The following CCSER1 variants were observed in gnomAD, a reference collection of about 807,000 sequenced individuals.
The protein encoded by CCSER1 is serine-rich coiled-coil domain-containing protein 1.
In CCSER1, 41 loss-of-function variants were observed where a neutral mutation model predicts 82.0. That is an observed-to-expected ratio of 0.50 (90% confidence interval 0.39 to 0.65). The LOEUF is 0.65. Ranked by LOEUF, CCSER1 falls within the 30% of genes least tolerant of loss-of-function variation. The pLI is 0.00. For synonymous variants in CCSER1, 414 were observed against 383.9 expected (o/e 1.08, Z -0.92); for missense variants, 1,119 against 1,064.2 (o/e 1.05, Z -0.72).
At chr4:90,908,149 G>T (rs970689793) in intron 8 of CCSER1, among the ~76,000 whole-genome samples, 1 of 152,042 alleles carries the variant, frequency 6.6e-6, no homozygotes, top group Admixed American at 6.6e-5. Flanking sequence ...ACAAATAAAA[G>T]AAATAATTGT....
chr4:91,136,952 C>G (rs925092256), intron 10 of CCSER1, among the ~76,000 whole-genome samples: 3 of 151,774 alleles, frequency 2.0e-5, no homozygotes, highest in African/African-American at 7.3e-5. Flanking sequence ...ACTAAAAACC[C>G]TAACTTAATA....
At chr4:90,829,115 T>C (rs1430285386) in intron 8 of CCSER1, among the ~76,000 whole-genome samples, 3 of 152,004 alleles carry the variant, frequency 2.0e-5, no homozygotes, top group African/African-American at 7.2e-5. Context: ...ATTATAGAAG[T>C]AAAAAGATAG....
chr4:90,480,749 G>A (rs572135987), intron 5 of CCSER1, among the ~76,000 whole-genome samples: 1 of 152,048 alleles, frequency 6.6e-6, no homozygotes, highest in Non-Finnish European at 1.5e-5. Flanking sequence ...CTCTGTTTTG[G>A]TACCAGTACC....
intron 5 of CCSER1, among the ~76,000 whole-genome samples, chr4:90,528,716 T>C (rs986544408): frequency 6.6e-6 from 1 of 152,224 alleles, no homozygotes; most frequent in Non-Finnish European, 1.5e-5. Flanking sequence ...CTGGAGAAAG[T>C]AAATTTGATT....
At chr4:90,281,520 A>G (rs963360490) in intron 1 of CCSER1, among the ~76,000 whole-genome samples, 21 of 152,026 alleles carry the variant, frequency 1.4e-4, no homozygotes, top group African/African-American at 5.1e-4. Context: ...TCCATATTTT[A>G]TATATTCTGT....
intron 10 of CCSER1, among the ~76,000 whole-genome samples, chr4:91,161,158 G>T (rs1017228236): frequency 2.6e-5 from 4 of 152,078 alleles, no homozygotes; most frequent in South Asian, 4.2e-4. Context: ...ATTAAATAGG[G>T]AATCCTTTCC....
chr4:91,072,733 G>T (rs1431573436), intron 9 of CCSER1, among the ~76,000 whole-genome samples: 1 of 152,074 alleles, frequency 6.6e-6, no homozygotes, highest in African/African-American at 2.4e-5. Context: ...CCTTAGGAAA[G>T]TTAATTAACC....
chr4:90,259,936 T>C (rs957898614), intron 1 of CCSER1, among the ~76,000 whole-genome samples: 4 of 152,144 alleles, frequency 2.6e-5, no homozygotes, highest in African/African-American at 4.8e-5. Flanking sequence ...CTCTTTTTTG[T>C]TATGTCCTTT....
chr4:91,224,712 T>A (rs543709373), intron 10 of CCSER1, among the ~76,000 whole-genome samples: 1 of 152,218 alleles, frequency 6.6e-6, no homozygotes, highest in Admixed American at 6.5e-5. Context: ...AACATCTCCC[T>A]TTATAAATGT....
intron 6 of CCSER1, among the ~76,000 whole-genome samples, chr4:90,657,289 G>T (rs1300291119): frequency 6.6e-6 from 1 of 152,008 alleles, no homozygotes; most frequent in Admixed American, 6.6e-5. Flanking sequence ...TTATTCAAAA[G>T]AGATTTTGTT....
At chr4:90,317,440 C>T (rs1056867416) in intron 3 of CCSER1, among the ~76,000 whole-genome samples, 6 of 151,868 alleles carry the variant, frequency 4.0e-5, no homozygotes, top group African/African-American at 1.2e-4. Flanking sequence ...GGTGAAACCC[C>T]GTCTCTATTT....
chr4:90,364,622 C>G (rs1183625237), intron 3 of CCSER1, among the ~76,000 whole-genome samples: 1 of 151,758 alleles, frequency 6.6e-6, no homozygotes, highest in Admixed American at 6.6e-5. Context: ...GTAGTCAGTT[C>G]TACTTTAAAT....
At chr4:91,053,550 C>CCT (rs1282298875) in intron 9 of CCSER1, among the ~76,000 whole-genome samples, 2 of 152,146 alleles carry the variant, frequency 1.3e-5, no homozygotes, top group Non-Finnish European at 2.9e-5. Flanking sequence ...ACTTTGCAAT[C>CCT]CTATGTTCAC....
intron 4 of CCSER1, among the ~76,000 whole-genome samples, chr4:90,421,977 A>C (rs1756763848): frequency 2.0e-5 from 3 of 152,140 alleles, no homozygotes. Flanking sequence ...CAGTCTCCCT[A>C]CTGAGGGAGG....
At chr4:90,719,487 A>G (rs537245090) in intron 6 of CCSER1, among the ~76,000 whole-genome samples, 2 of 152,232 alleles carry the variant, frequency 1.3e-5, no homozygotes, top group Admixed American at 1.3e-4. Context: ...TTGTGGAAAA[A>G]TTGTTTTCCA....
chr4:90,372,878 G>T (rs1747683428), intron 3 of CCSER1, among the ~76,000 whole-genome samples: 1 of 151,544 alleles, frequency 6.6e-6, no homozygotes, highest in Non-Finnish European at 1.5e-5. Flanking sequence ...GAAGAGAAAT[G>T]ATATAAGTCT....
At chr4:91,485,014 A>G (rs1331590027) in intron 10 of CCSER1, among the ~76,000 whole-genome samples, 1 of 152,146 alleles carries the variant, frequency 6.6e-6, no homozygotes, top group African/African-American at 2.4e-5. Flanking sequence ...CTGATTTACA[A>G]TTCCATTCAT....
chr4:90,559,410 TG>T (rs1030827091), intron 5 of CCSER1, among the ~76,000 whole-genome samples: 1 of 152,024 alleles, frequency 6.6e-6, no homozygotes, highest in Non-Finnish European at 1.5e-5. Context: ...GCAGACCCCA[TG>T]GGGAGCTCTA....
intron 6 of CCSER1, among the ~76,000 whole-genome samples, chr4:90,703,865 GTC>G (rs1391435462): frequency 6.6e-6 from 1 of 152,080 alleles, no homozygotes; most frequent in Non-Finnish European, 1.5e-5. Flanking sequence ...GTCTATGTGT[GTC>G]TCTGCATGTG....
Sources: gnomAD v4.1 joint callset for allele counts (sites outside exome capture counted in the v4.1 genomes callset) on GRCh38, gnomAD v4.1.1 for gene constraint, MANE v1.5 for transcripts, NCBI Gene and HGNC (gene_info 2026-07-23, HGNC 2026-07-21) for gene names.